The following CORO2B variants were observed in gnomAD, a reference collection of about 807,000 sequenced individuals.
CORO2B encodes the protein coronin 2B, also known as coronin-2B.
In CORO2B, 26 loss-of-function variants were observed where a neutral mutation model predicts 58.8. That is an observed-to-expected ratio of 0.44 (90% CI 0.32 to 0.61). The LOEUF (loss-of-function observed/expected upper bound fraction) is 0.61, where lower values mean the gene tolerates loss of function less well. Ranked by LOEUF, CORO2B falls within the 20% of genes least tolerant of loss-of-function variation. The pLI, the probability that CORO2B is intolerant of heterozygous loss-of-function variation, is 0.04. For synonymous variants in CORO2B, 242 were observed against 253.8 expected (o/e 0.95, Z 0.44); for missense variants, 460 against 645.1 (o/e 0.71, Z 3.11).
chr15:68,680,205 G>T (rs187724524), intron 2 of CORO2B, among the ~76,000 whole-genome samples: 43 of 152,318 alleles, frequency 2.8e-4, no homozygotes, highest in African/African-American at 9.1e-4. Context: ...GCAGCTGGCA[G>T]CATGTGGCTG....
intron 2 of CORO2B, among the ~76,000 whole-genome samples, chr15:68,657,517 CAAA>C (rs373642309): frequency 3.3e-3 from 285 of 87,060 alleles, no homozygotes; most frequent in Admixed American, 4.5e-3. Context: ...GATCCTGTCT[CAAA>C]AAAAAAAAAA....
At position 68,645,295 on chromosome 15, in the gene CORO2B, C is replaced by A; in HGVS notation, c.151C>A (p.Arg51Ser). 1.2e-6 allele frequency: 2 copies of A among 1,614,078 alleles called. No homozygotes were observed. Among genetic ancestry groups the A allele is most frequent in the Non-Finnish European group, 1.7e-6 (2 of 1,180,018 alleles). ...CAACCACTTCTGTGCCGTCAACACC[C>A]GCTTCCTGGCCATCGTCACCGAGAG... Reference protein sequence around the residue: ...HDNHFCAVNTRFLAIVTESAG... With the variant: ...HDNHFCAVNTSFLAIVTESAG... Residue 51 changes from arginine to serine, a missense_variant, in exon 2 of 12, where the codon CGC becomes AGC. By Grantham distance (110) the Arg-to-Ser change is moderately radical. Coordinates refer to ENST00000261861, the MANE Select transcript of CORO2B (RefSeq NM_006091.5). The surrounding 1 kb of genome is among the most constrained non-coding windows in gnomAD (Gnocchi z 4.5).
chr15:68,556,779 G>C, the CORO2B span, among the ~76,000 whole-genome samples: 3 of 152,202 alleles, frequency 2.0e-5, no homozygotes, highest in African/African-American at 7.2e-5. Flanking sequence ...TGGCTGCCGA[G>C]GGACTCACTG....
chr15:68,717,909 A>G (rs1352834), intron 8 of CORO2B, among the ~76,000 whole-genome samples: 26,403 of 152,166 alleles, frequency 0.17, 2,843 homozygotes, highest in Non-Finnish European at 0.24. Flanking sequence ...CTTGGAACAT[A>G]TTCTGCTGAT....
intron 1 of CORO2B, among the ~76,000 whole-genome samples, chr15:68,621,157 A>G (rs2140251828): frequency 6.6e-6 from 1 of 152,250 alleles, no homozygotes; most frequent in East Asian, 1.9e-4. Context: ...TCAAGGCCAT[A>G]AGCAATGTAG....
intron 1 of CORO2B, among the ~76,000 whole-genome samples, chr15:68,627,384 A>G (rs990185224): frequency 3.3e-5 from 5 of 152,128 alleles, no homozygotes; most frequent in Non-Finnish European, 7.3e-5. Context: ...ATGGACCTTC[A>G]AGTGCAGGTG....
At chr15:68,697,837 C>A (rs78638261) in intron 3 of CORO2B, among the ~76,000 whole-genome samples, 497 of 152,296 alleles carry the variant, frequency 3.3e-3, no homozygotes, top group Middle Eastern at 0.014. Context: ...GTGGCCAGCA[C>A]AAGAGGCCTG....
chr15:68,717,979 G>A (rs1462870582), intron 8 of CORO2B, among the ~76,000 whole-genome samples: 8 of 152,188 alleles, frequency 5.3e-5, no homozygotes, highest in African/African-American at 1.7e-4. Flanking sequence ...GAAGCTCAGA[G>A]AGTTGTAACT....
At chr15:68,586,717 G>C (rs12903191) in intron 1 of CORO2B, among the ~76,000 whole-genome samples, 113,629 of 151,912 alleles carry the variant, frequency 0.75, 42,669 homozygotes, top group Middle Eastern at 0.87. Context: ...TTTCCTTCCC[G>C]CTGCCTGCTG....
chr15:68,706,449 C>A (rs1009105277), intron 3 of CORO2B, among the ~76,000 whole-genome samples: 1 of 152,228 alleles, frequency 6.6e-6, no homozygotes, highest in East Asian at 1.9e-4. Context: ...ACACCACACC[C>A]CACTGGCTCA....
intron 2 of CORO2B, among the ~76,000 whole-genome samples, chr15:68,647,719 G>T (rs1189295454): frequency 7.0e-6 from 1 of 142,588 alleles, no homozygotes; most frequent in African/African-American, 2.6e-5. Flanking sequence ...AAGAAAGAAG[G>T]GACTGGGGCC....
At chr15:68,624,824 G>A (rs141707862) in intron 1 of CORO2B, among the ~76,000 whole-genome samples, 2,573 of 151,960 alleles carry the variant, frequency 0.017, 73 homozygotes, top group African/African-American at 0.058. Flanking sequence ...CTGGGATTAC[G>A]GGTGCCTACC....
the CORO2B span, among the ~76,000 whole-genome samples, chr15:68,545,545 C>T: frequency 4.5e-3 from 685 of 151,430 alleles, 5 homozygotes; most frequent in African/African-American, 0.016. Flanking sequence ...AGGCTAGGCC[C>T]CAATCTCCAG....
chr15:68,684,944 G>A (rs1394507885), intron 2 of CORO2B, among the ~76,000 whole-genome samples: 2 of 152,126 alleles, frequency 1.3e-5, no homozygotes, highest in African/African-American at 4.8e-5. Context: ...GAGAGAGCCA[G>A]GAAGACTATA....
chr15:68,688,432 T>G (rs1903059035), intron 2 of CORO2B, among the ~76,000 whole-genome samples: 1 of 152,196 alleles, frequency 6.6e-6, no homozygotes, highest in African/African-American at 2.4e-5. Context: ...ATGCTCAAAG[T>G]GAATGCTCTT....
In CORO2B at chr15:68,725,753, C is replaced by T. The variant is rs914270116; in HGVS notation, c.1312-90C>T. The T allele has an allele frequency of 5.3e-5, 81 of 1,540,676 alleles. 2 individuals carry two copies. In the South Asian group the frequency reaches 6.2e-4, roughly 12 times the overall value. On this transcript the variant is annotated intron_variant, in intron 11 of 11. Transcript: ENST00000261861. ...GCCTGGGGGAATGTGAGGGCACGGG[C>T]GGCAGGCAGCTGGAGACTCACCTGG...
intron 1 of CORO2B, among the ~76,000 whole-genome samples, chr15:68,598,079 C>G (rs1369988586): frequency 2.0e-5 from 3 of 152,202 alleles, no homozygotes; most frequent in Admixed American, 2.0e-4. Context: ...GATCCAGACC[C>G]CCTCCACCAC....
intron 2 of CORO2B, among the ~76,000 whole-genome samples, chr15:68,665,254 T>C (rs999632401): frequency 6.6e-6 from 1 of 152,164 alleles, no homozygotes; most frequent in African/African-American, 2.4e-5. Flanking sequence ...CCCCTACTGA[T>C]TTGAGATTCA....
At chr15:68,626,105 C>G (rs575166569) in intron 1 of CORO2B, among the ~76,000 whole-genome samples, 38 of 152,276 alleles carry the variant, frequency 2.5e-4, no homozygotes, top group Non-Finnish European at 1.5e-5. Flanking sequence ...TCTTTCTGCA[C>G]GGGCTGCTTC....
Sources: gnomAD v4.1 joint callset for allele counts (sites outside exome capture counted in the v4.1 genomes callset) on GRCh38, gnomAD v4.1.1 for gene constraint, Gnocchi (gnomAD v3.1) non-coding constraint, MANE v1.5 for transcripts, NCBI Gene and HGNC (gene_info 2026-07-23, HGNC 2026-07-21) for gene names.